INO80D: variants seen among roughly 807,000 people sequenced by gnomAD.
INO80D encodes the protein INO80 complex subunit D.
INO80D carries 21 observed loss-of-function variants against 87.6 expected under a neutral mutation model. The ratio of observed to expected loss-of-function variants is 0.24; its 90% CI spans 0.17 to 0.35. The LOEUF is 0.35. Ranked by LOEUF, INO80D falls within the 10% of genes least tolerant of loss-of-function variation. The pLI is 1.00. For synonymous variants in INO80D, 440 were observed against 491.0 expected, an observed-to-expected ratio of 0.90 and a Z score of 1.37; for missense variants, 982 against 1,280.7, an observed-to-expected ratio of 0.77 and a Z score of 3.56.
At position 206,002,958 on chromosome 2, in the gene INO80D, A is replaced by G. The variant is rs894439827; in HGVS notation, c.*1410T>C. The G allele has an allele frequency of 2.6e-5, 4 of 152,294 alleles. No individual in the cohort carries two copies. The highest frequency in any genetic ancestry group is 2.4e-5 in the African/African-American group (1 of 41,564). The allele number at this position is 152,294 out of a possible 1,614,324, so 9.4% of individuals were successfully genotyped here. On this transcript the variant is annotated 3_prime_UTR_variant, in exon 11 of 11. Coordinates refer to ENST00000403263, the MANE Select transcript of INO80D (RefSeq NM_017759.5). ...AGTTCCACCCTTCTCTGGGGGGGAA[A>G]AAAGGTAGGCAAGAAACCTCACAAA...
In INO80D at chr2:206,085,652, C is replaced by T. The variant is rs1690436486; in HGVS notation, c.-124+249G>A. The T allele has an allele frequency of 6.7e-6, 1 of 149,514 alleles. No individual in the cohort carries two copies. The highest frequency in any genetic ancestry group is 1.5e-5 in the Non-Finnish European group (1 of 67,192). 9.3% of individuals were successfully genotyped at this position (149,514 alleles called of 1,614,324 possible). A position where few individuals can be genotyped will look rare whatever the true frequency, so the allele number is the denominator to read the frequency against. ...GGCCGCTCCGCTCGCCCCACTCCGG[C>T]TCCGGCTGGACCCCTGCCCGCCCGC... On this transcript the variant is annotated intron_variant, in intron 1 of 10. Transcript: ENST00000403263. The surrounding 1 kb of genome is among the most constrained non-coding windows in gnomAD (Gnocchi z 4.5).
chr2:206,074,718 T>C (rs1336744221), intron 1 of INO80D, among the ~76,000 whole-genome samples: 1 of 152,218 alleles, frequency 6.6e-6, no homozygotes, highest in Non-Finnish European at 1.5e-5. Context: ...GGTGGGAGGA[T>C]CAACTGAGGT....
intron 5 of INO80D, among the ~76,000 whole-genome samples, 180 bp from the exon 6 acceptor site, chr2:206,028,515 T>C (rs966741716): frequency 6.6e-6 from 1 of 152,214 alleles, no homozygotes. Context: ...AAGTACAGTA[T>C]TTCAACAGTA....
At chr2:206,048,596 A>C (rs756894911) in intron 4 of INO80D, among the ~76,000 whole-genome samples, 6 of 152,188 alleles carry the variant, frequency 3.9e-5, no homozygotes, top group Non-Finnish European at 5.9e-5. Flanking sequence ...TTACCCTTTT[A>C]AAAGTCTTGT....
At chr2:206,019,653 T>C in intron 7 of INO80D, 83 bp downstream of exon 7, 1 of 908,222 alleles carries the variant, frequency 1.1e-6, no homozygotes, top group South Asian at 1.7e-5. Flanking sequence ...TCAAAAGTCA[T>C]TCACTTGAAT....
intron 1 of INO80D, among the ~76,000 whole-genome samples, chr2:206,065,512 G>C (rs539203919): frequency 6.6e-6 from 1 of 151,890 alleles, no homozygotes; most frequent in Non-Finnish European, 1.5e-5. Context: ...GAAAAGTACA[G>C]ACAATAAGGT....
intron 8 of INO80D, among the ~76,000 whole-genome samples, chr2:206,015,241 A>G (rs1466159271): frequency 6.6e-6 from 1 of 152,238 alleles, no homozygotes; most frequent in Non-Finnish European, 1.5e-5. Flanking sequence ...AATTTGCATA[A>G]TTAACAAGGA....
rs1055717445 is a variant in INO80D at position 206,083,442 on chromosome 2, TA to T, written c.-124+2458del. 1.2e-4 allele frequency among the ~76,000 whole-genome samples: 19 copies of T among 152,266 alleles called. No individual in the cohort carries two copies. In the East Asian group the frequency reaches 3.7e-3, roughly 29 times the overall value. On this transcript the variant is annotated intron_variant, in intron 1 of 10. Transcript: ENST00000403263. Reference sequence around the variant, plus strand: ...AGTAACGATTTTTGGTACACATGTTTAAAAAAATGTCCATGTCAATAAACAA... The same window carrying T: ...AGTAACGATTTTTGGTACACATGTTTAAAAAATGTCCATGTCAATAAACAA...
At position 206,077,000 on chromosome 2, in the gene INO80D, G is replaced by A. The variant is rs565116656; in HGVS notation, c.-124+8901C>T. ...TATTAACTACCATTAGAAGCCGGGC[G>A]CGGTGGCTCACGCCTGTAATCCCAG... On this transcript the variant is annotated intron_variant, in intron 1 of 10. Coordinates refer to ENST00000403263, the MANE Select transcript of INO80D (RefSeq NM_017759.5). 5.3e-5 allele frequency among the ~76,000 whole-genome samples: 8 copies of A among 152,278 alleles called. No homozygotes were observed. In the East Asian group the frequency reaches 7.7e-4, roughly 15 times the overall value.
intron 1 of INO80D, among the ~76,000 whole-genome samples, chr2:206,068,625 T>A (rs1452057668): frequency 6.6e-6 from 1 of 152,216 alleles, no homozygotes; most frequent in Non-Finnish European, 1.5e-5. Flanking sequence ...TATTTGTTGA[T>A]CCCTTTTAGA....
At position 206,062,918 on chromosome 2, in the gene INO80D, G is replaced by A. The variant is rs1389863169; in HGVS notation, c.99C>T (p.Tyr33=). 12 of 1,613,204 alleles carry A rather than the reference G, an allele frequency of 7.4e-6. No homozygotes were observed. The highest frequency in any genetic ancestry group is 3.3e-5 in the Admixed American group (2 of 59,750). ...KLCKQRRLNG[Y]AFCIRHVLED... ...CCAGAACGTGTCTGATACAGAAGGC[G>A]TAGCCGTTGAGTCGCCTCTGCTTGC... Residue 33 remains tyrosine, a synonymous_variant, in exon 3 of 11, where the codon TAC becomes TAT. Coordinates refer to ENST00000403263, the MANE Select transcript of INO80D (RefSeq NM_017759.5). The surrounding 1 kb of genome is among the most constrained non-coding windows in gnomAD (Gnocchi z 4.6).
intron 5 of INO80D, among the ~76,000 whole-genome samples, chr2:206,038,383 C>T (rs895451906): frequency 6.6e-6 from 1 of 152,168 alleles, no homozygotes; most frequent in Non-Finnish European, 1.5e-5. Flanking sequence ...AAACACTTAA[C>T]AGCATATGGT....
intron 3 of INO80D, among the ~76,000 whole-genome samples, chr2:206,059,930 G>A (rs1464749593): frequency 2.6e-5 from 4 of 152,158 alleles, no homozygotes; most frequent in Admixed American, 1.3e-4. Context: ...TTGGCCTGGC[G>A]TGGTGGCTCA....
chr2:206,071,140 G>A (rs955471909), intron 1 of INO80D, among the ~76,000 whole-genome samples: 11 of 150,682 alleles, frequency 7.3e-5, no homozygotes, highest in Admixed American at 4.0e-4. Context: ...AGTATTTTTA[G>A]TAGAGATGGG....
rs1687813105 is a variant in INO80D, at chr2:205,996,587, A to G, written c.*7781T>C. The G allele has an allele frequency of 1.4e-5, 2 of 143,924 alleles. No individual in the cohort carries two copies. Among genetic ancestry groups the G allele is most frequent in the Non-Finnish European group, 3.2e-5 (2 of 62,210 alleles). 8.9% of individuals were successfully genotyped at this position (143,924 alleles called of 1,614,324 possible). A position where few individuals can be genotyped will look rare whatever the true frequency, so the allele number is the denominator to read the frequency against. On this transcript the variant is annotated 3_prime_UTR_variant, in exon 11 of 11. Transcript: ENST00000403263. ...AACAAAGGCTGTTTACCTATTATAC[A>G]CACACATTTTTAAGGGAAATATATG...
At chr2:206,046,065 G>A (rs962778025) in intron 5 of INO80D, among the ~76,000 whole-genome samples, 4 of 152,114 alleles carry the variant, frequency 2.6e-5, no homozygotes, top group East Asian at 1.9e-4. Flanking sequence ...TTGCTCAAAC[G>A]ATATAGTACA....
At position 205,993,772 on chromosome 2, in the gene INO80D, T is replaced by C. The variant is rs1575778277; in HGVS notation, c.*10596A>G. On this transcript the variant is annotated 3_prime_UTR_variant, in exon 11 of 11. Coordinates refer to ENST00000403263, the MANE Select transcript of INO80D (RefSeq NM_017759.5). ...ATCCAAAAGAAAGAAAGAAAAATGA[T>C]TTTGTCACACTATATACAGATAATA... 2.0e-5 allele frequency: 3 copies of C among 152,256 alleles called. No homozygotes were observed. In the South Asian group the frequency reaches 6.2e-4, roughly 32 times the overall value. 9.4% of individuals were successfully genotyped at this position (152,256 alleles called of 1,614,324 possible).
chr2:206,008,886 T>C (rs1688097038), intron 9 of INO80D, among the ~76,000 whole-genome samples: 1 of 152,228 alleles, frequency 6.6e-6, no homozygotes, highest in Non-Finnish European at 1.5e-5. Context: ...CAGGTAAAAT[T>C]GAAATGCTTA....
At chr2:206,051,930 G>A (rs544896405) in intron 4 of INO80D, among the ~76,000 whole-genome samples, 3 of 152,310 alleles carry the variant, frequency 2.0e-5, no homozygotes, top group Non-Finnish European at 2.9e-5. Context: ...CAAGGCAGTG[G>A]CATCAGACTT....
Sources: allele counts gnomAD v4.1 joint callset (sites outside exome capture counted in the v4.1 genomes callset), GRCh38; gene constraint gnomAD v4.1.1; non-coding constraint Gnocchi (gnomAD v3.1); transcripts MANE v1.5; gene names NCBI Gene and HGNC (gene_info 2026-07-23, HGNC 2026-07-21).